The following KLHL14 variants were observed in gnomAD, a reference collection of about 807,000 sequenced individuals.
The protein encoded by KLHL14 is kelch-like protein 14.
In KLHL14, 22 loss-of-function variants were observed where a neutral mutation model predicts 64.3. The ratio of observed to expected loss-of-function variants is 0.34; its 90% confidence interval spans 0.24 to 0.49. The LOEUF is 0.49. Ranked by LOEUF, KLHL14 falls within the 20% of genes least tolerant of loss-of-function variation. The probability of loss-of-function intolerance (pLI) is 0.99; values close to 1 mark genes in which losing one functional copy is unlikely to be tolerated. For synonymous variants in KLHL14, 322 were observed against 333.4 expected (o/e 0.97, Z 0.37); for missense variants, 661 against 789.0 (o/e 0.84, Z 1.94).
intron 3 of KLHL14, among the ~76,000 whole-genome samples, chr18:32,726,643 AAAAAT>A (rs58493270): frequency 0.042 from 6,337 of 151,796 alleles, 445 homozygotes; most frequent in African/African-American, 0.14. Flanking sequence ...ATAAATAAAT[AAAAAT>A]AAAATAAAAT....
intron 5 of KLHL14, among the ~76,000 whole-genome samples, chr18:32,684,741 C>T (rs1364093177): frequency 6.6e-6 from 1 of 152,208 alleles, no homozygotes. Context: ...GTAAAATTAA[C>T]TAAATGTTTT....
chr18:32,744,642 C>A (rs2050215624), intron 2 of KLHL14: 1 of 151,934 alleles, frequency 6.6e-6, no homozygotes, highest in Non-Finnish European at 1.5e-5. Flanking sequence ...AAAACTCCAT[C>A]TCAAAAAAAA....
chr18:32,715,289 C>T (rs571919662), intron 3 of KLHL14, among the ~76,000 whole-genome samples: 1 of 152,234 alleles, frequency 6.6e-6, no homozygotes, highest in South Asian at 2.1e-4. Context: ...ACTTACATTT[C>T]TATATAGGGT....
At chr18:32,685,006 T>C (rs2049869581) in intron 5 of KLHL14, among the ~76,000 whole-genome samples, 2 of 152,170 alleles carry the variant, frequency 1.3e-5, no homozygotes, top group Non-Finnish European at 2.9e-5. Flanking sequence ...TGTAAGGAGC[T>C]CTTTATTTGG....
chr18:32,734,233 T>C, intron 3 of KLHL14: 1 of 702,798 alleles, frequency 1.4e-6, no homozygotes, highest in Non-Finnish European at 2.6e-6. Context: ...TGAAATGGGG[T>C]GTGGTCCTGT....
chr18:32,673,150 AAAC>A lies in KLHL14; in HGVS notation c.*1504_*1506del, dbSNP rs1267398107. 1 of 152,594 alleles carries A rather than the reference AAAC, an allele frequency of 6.6e-6. No homozygotes were observed. The highest frequency in any genetic ancestry group is 1.5e-5 in the Non-Finnish European group (1 of 68,024). The allele number at this position is 152,594 out of a possible 1,614,324, so 9.5% of individuals were successfully genotyped here. A position where few individuals can be genotyped will look rare whatever the true frequency, so the allele number is the denominator to read the frequency against. The stretch of plus-strand genomic sequence containing the variant: ...GATCTGAACATACAAATAAATACAA[AAAC>A]AACGAAGATTGCACTTTACTGTAGA... On this transcript the variant is annotated 3_prime_UTR_variant, in exon 9 of 9. Transcript: ENST00000359358.
chr18:32,673,823 A>G lies in KLHL14; in HGVS notation c.*834T>C, dbSNP rs145260607. The G allele has an allele frequency of 1.7e-4, 26 of 152,318 alleles. No homozygotes were observed. The East Asian group carries it at 5.0e-3, about 29-fold the overall frequency. 9.4% of individuals were successfully genotyped at this position (152,318 alleles called of 1,614,324 possible). On this transcript the variant is annotated 3_prime_UTR_variant, in exon 9 of 9. Coordinates refer to ENST00000359358, the MANE Select transcript of KLHL14 (RefSeq NM_020805.3). ...CATCTAACAGAATCTCTAAAATAGT[A>G]TTGACTGAATTTGTCAATCCTGTCT...
intron 4 of KLHL14, among the ~76,000 whole-genome samples, chr18:32,688,186 T>C (rs1351271209): frequency 6.6e-6 from 1 of 152,204 alleles, no homozygotes; most frequent in Non-Finnish European, 1.5e-5. Flanking sequence ...GCCTTAACTC[T>C]AAAAGTCTAC....
At chr18:32,677,625 A>T (rs1260984449) in intron 7 of KLHL14, among the ~76,000 whole-genome samples, 1 of 152,216 alleles carries the variant, frequency 6.6e-6, no homozygotes, top group Non-Finnish European at 1.5e-5. Flanking sequence ...AACCTTATTT[A>T]AAAATGTTTA....
intron 2 of KLHL14, among the ~76,000 whole-genome samples, chr18:32,751,950 A>G (rs1360925665): frequency 6.6e-6 from 1 of 152,170 alleles, no homozygotes; most frequent in Non-Finnish European, 1.5e-5. Context: ...AACATGGTGA[A>G]ACCCCATCTC....
intron 3 of KLHL14, chr18:32,734,086 C>A: frequency 2.9e-6 from 2 of 688,226 alleles, no homozygotes; most frequent in South Asian, 1.5e-5. Context: ...GAGGTGAGAG[C>A]GCTTTGAGCA....
chr18:32,756,728 T>C (rs1024425563), intron 2 of KLHL14, among the ~76,000 whole-genome samples: 1 of 152,222 alleles, frequency 6.6e-6, no homozygotes, highest in Non-Finnish European at 1.5e-5. Flanking sequence ...TGCATGTCTA[T>C]TTTCTCTTTT....
intron 2 of KLHL14, among the ~76,000 whole-genome samples, chr18:32,757,720 A>G (rs1417645366): frequency 2.6e-5 from 4 of 152,242 alleles, no homozygotes; most frequent in Non-Finnish European, 4.4e-5. Context: ...AGATTTGCTT[A>G]TCCAAGTCCA....
chr18:32,760,307 C>A (rs2050306951), intron 2 of KLHL14, among the ~76,000 whole-genome samples: 1 of 150,878 alleles, frequency 6.6e-6, no homozygotes, highest in South Asian at 2.1e-4. Flanking sequence ...TAGCACCCAA[C>A]AATATGTGAT....
In KLHL14 at chr18:32,681,554, C is replaced by CT. The variant is rs113795735; in HGVS notation, c.1239-956dup. Among the ~76,000 whole-genome samples, 1,273 of 152,168 alleles carry CT rather than the reference C, an allele frequency of 8.4e-3. 13 individuals are homozygous for CT. The highest frequency in any genetic ancestry group is 0.029 in the African/African-American group (1,184 of 41,540). On this transcript the variant is annotated intron_variant, in intron 5 of 8. Coordinates refer to ENST00000359358, the MANE Select transcript of KLHL14 (RefSeq NM_020805.3). ...TGAAACTTGAAGCAAGCCTTTGACT[C>CT]TTTGCTTCTTTTTTTCACTGATACT...
At chr18:32,759,702 TC>T (rs2050303924) in intron 2 of KLHL14, among the ~76,000 whole-genome samples, 2 of 150,550 alleles carry the variant, frequency 1.3e-5, no homozygotes, top group African/African-American at 2.4e-5. Flanking sequence ...TAACCTTCTC[TC>T]TCTCTCTCTC....
intron 2 of KLHL14, chr18:32,745,149 C>G (rs965250669): frequency 3.3e-5 from 5 of 152,186 alleles, no homozygotes; most frequent in African/African-American, 1.2e-4. Flanking sequence ...AATCAAGATG[C>G]CTTCCAAATC....
chr18:32,680,185 T>C lies in KLHL14; in HGVS notation c.1572A>G (p.Gly524=). 1 of 1,613,574 alleles carries C rather than the reference T, an allele frequency of 6.2e-7. No homozygotes were observed. Among genetic ancestry groups the C allele is most frequent in the Non-Finnish European group, 8.5e-7 (1 of 1,179,710 alleles). ...AVMNDRLYAI[G]GNHLKGFSHL... Reference sequence around the variant, plus strand: ...AAAAAAGACCTTTCAAATGATTTCCTCCAATTGCATACAAGCGATCATTCA... The same window carrying C: ...AAAAAAGACCTTTCAAATGATTTCCCCCAATTGCATACAAGCGATCATTCA... The change falls in exon 7 of 9, where the codon GGA becomes GGG. Residue 524 remains glycine (G), a synonymous_variant. Transcript: ENST00000359358. This position sits in a 1 kb window ranked among gnomAD's most constrained non-coding sequence, Gnocchi z 4.8.
In KLHL14 at chr18:32,728,131, A is replaced by G. The variant is rs1249220719; in HGVS notation, c.1069+13797T>C. Among the ~76,000 whole-genome samples, 5 of 152,214 alleles carry G rather than the reference A, an allele frequency of 3.3e-5. 1 individual carries two copies. Among genetic ancestry groups the G allele is most frequent in the Admixed American group, 3.3e-4 (5 of 15,276 alleles). On this transcript the variant is annotated intron_variant, in intron 3 of 8. Transcript: ENST00000359358. ...ATGCATGCATATTTAGGATGCTGGT[A>G]TATTCTATTTGTGCAGAGGATGTTC...
Sources: gnomAD v4.1 joint callset for allele counts (sites outside exome capture counted in the v4.1 genomes callset) on GRCh38, gnomAD v4.1.1 for gene constraint, Gnocchi (gnomAD v3.1) non-coding constraint, MANE v1.5 for transcripts, NCBI Gene and HGNC (gene_info 2026-07-23, HGNC 2026-07-21) for gene names.